Variants in CYP2C8 observed in about 807,000 individuals in gnomAD.
CYP2C8 encodes cytochrome P450 family 2 subfamily C member 8.
Under a neutral mutation model 41.3 loss-of-function variants are expected in CYP2C8, and 51 were observed. The observed-to-expected ratio is 1.24, with a 90% confidence interval of 0.99 to 1.56. The LOEUF (loss-of-function observed/expected upper bound fraction) is 1.56, where lower values mean the gene tolerates loss of function less well. Among genes scored for constraint, CYP2C8 ranks in the 40% most tolerant of loss-of-function variants. The pLI is 0.00. For synonymous variants in CYP2C8, 218 were observed against 205.8 expected (o/e 1.06, Z -0.51); for missense variants, 651 against 579.9 (o/e 1.12, Z -1.26).
rs1589449280 is a variant in CYP2C8, at chr10:95,067,262, C to T, written c.427G>A (p.Asp143Asn). 6.2e-7 allele frequency: 1 copy of T among 1,614,204 alleles called. No homozygotes were observed. Among genetic ancestry groups the T allele is most frequent in the Middle Eastern group, 1.6e-4 (1 of 6,062 alleles). The change falls in exon 3 of 9, where the codon GAC (aspartate) becomes AAC (asparagine). Residue 143 changes from aspartate (D) to asparagine (N), a missense_variant. Transcript: ENST00000371270. ...CAGTGAGCTTCCTCTTGAACACGGT[C>T]CTCAATGCTCCTCTTCCCCATCCCA... is the stretch of plus-strand genomic sequence containing the variant. ...NFGMGKRSIEDRVQEEAHCLV... is the reference protein window; with the variant it reads ...NFGMGKRSIENRVQEEAHCLV...
At chr10:95,052,245 A>G (rs1365231720) in intron 5 of CYP2C8, among the ~76,000 whole-genome samples, 2 of 152,084 alleles carry the variant, frequency 1.3e-5, no homozygotes, top group Non-Finnish European at 2.9e-5. Context: ...ACCTACTGAA[A>G]TTGAACCATG....
rs1168541180 is a variant in CYP2C8 at position 95,046,025 on chromosome 10, A to G, written c.820-74T>C. 5 of 1,559,734 alleles carry G rather than the reference A, an allele frequency of 3.2e-6. No homozygotes were observed. The East Asian group carries it at 9.1e-5, about 28-fold the overall frequency. ...CTAAATACACTAAATTTTAAAAAAC[A>G]TACTATTTTTTAAAGTTAGCCAAAA... On this transcript the variant is annotated intron_variant, in intron 5 of 8. Coordinates refer to ENST00000371270, the MANE Select transcript of CYP2C8 (RefSeq NM_000770.3).
At chr10:95,048,808 A>C in intron 5 of CYP2C8, among the ~76,000 whole-genome samples, 1 of 152,192 alleles carries the variant, frequency 6.6e-6, no homozygotes. Context: ...ATCTCACCAC[A>C]TACAAAAATT....
chr10:95,067,752 T>C, intron 1 of CYP2C8, 61 bp from the exon 2 acceptor site: 1 of 1,453,708 alleles, frequency 6.9e-7, no homozygotes, highest in South Asian at 1.2e-5. Context: ...ATACTATGTA[T>C]GATTCAGACT....
At chr10:95,050,935 C>T (rs1032148420) in intron 5 of CYP2C8, among the ~76,000 whole-genome samples, 4 of 152,050 alleles carry the variant, frequency 2.6e-5, no homozygotes, top group Non-Finnish European at 5.9e-5. Flanking sequence ...GCCCAGCCCC[C>T]GATGAATATC....
chr10:95,046,456 A>G (rs897336446), intron 5 of CYP2C8, among the ~76,000 whole-genome samples: 2 of 152,168 alleles, frequency 1.3e-5, no homozygotes, highest in Non-Finnish European at 2.9e-5. Flanking sequence ...CACATTTATA[A>G]CAAGCTATCA....
In CYP2C8 at chr10:95,067,528, C is replaced by A; in HGVS notation, c.331+1G>T. 2 of 1,614,042 alleles carry A rather than the reference C, an allele frequency of 1.2e-6. No homozygotes were observed. The highest frequency in any genetic ancestry group is 1.7e-6 in the Non-Finnish European group (2 of 1,179,948). On this transcript the variant is annotated splice_donor_variant, in intron 2 of 8. Transcript: ENST00000371270. LOFTEE classifies it high-confidence loss of function. ...GCTGACACAGAAATATGTGCACCTA[C>A]CAAGTCCTTTAGTAATTCTTTGAGA...
At chr10:95,069,169 GTC>G in intron 1 of CYP2C8, 64 bp downstream of exon 1, 1 of 1,543,428 alleles carries the variant, frequency 6.5e-7, no homozygotes, top group South Asian at 1.1e-5. Flanking sequence ...AATATATTTT[GTC>G]TAAAAATAGC....
chr10:95,054,393 T>C (rs2033272079), intron 5 of CYP2C8, among the ~76,000 whole-genome samples: 1 of 151,972 alleles, frequency 6.6e-6, no homozygotes, highest in Admixed American at 6.6e-5. Context: ...AAGATATGAA[T>C]AGAAGGGAAA....
In CYP2C8 at chr10:95,042,872, T is replaced by C. The variant is rs2033030514; in HGVS notation, c.1149+18A>G. 20 of 1,604,272 alleles carry C rather than the reference T, an allele frequency of 1.2e-5. No individual in the cohort carries two copies. Among genetic ancestry groups the C allele is most frequent in the Non-Finnish European group, 1.5e-5 (17 of 1,171,160 alleles). ...ATTTCAGAAGTACAGAAATATAGTG[T>C]AAGAGAAACAAGCTTACCTTGGGGA... On this transcript the variant is annotated intron_variant, in intron 7 of 8. Transcript: ENST00000371270.
chr10:95,041,730 G>A (rs1005998476), intron 7 of CYP2C8, among the ~76,000 whole-genome samples: 2 of 147,216 alleles, frequency 1.4e-5, no homozygotes, highest in African/African-American at 5.0e-5. Context: ...GCAGTGAGCC[G>A]AGATTGCGCC....
Position 95,045,958 on chromosome 10 carries a change from G to A in CYP2C8, c.820-7C>T, listed in dbSNP as rs757215714. ...ACTTTTGGTTGTCCTTTTCCTAGAA[G>A]TGATTTCATGCAATTATCTGACAAA... On this transcript the variant is annotated splice_polypyrimidine_tract_variant and splice_region_variant and intron_variant, in intron 5 of 8. Coordinates refer to ENST00000371270, the MANE Select transcript of CYP2C8 (RefSeq NM_000770.3). The A allele has an allele frequency of 6.2e-6, 10 of 1,613,714 alleles. No homozygotes were observed. The highest frequency in any genetic ancestry group is 2.2e-5 in the East Asian group (1 of 44,874).
rs2033521308 is a variant in CYP2C8, at chr10:95,064,726, T to G, written c.642+74A>C. The stretch of plus-strand genomic sequence containing the variant: ...TATAAAAGCATTTTAGTATCAATTT[T>G]CTCATTTTTAAACCAAGTCTTCCCT... On this transcript the variant is annotated intron_variant, in intron 4 of 8. Coordinates refer to ENST00000371270, the MANE Select transcript of CYP2C8 (RefSeq NM_000770.3). 2.8e-6 allele frequency: 4 copies of G among 1,414,522 alleles called. No homozygotes were observed. The Middle Eastern group carries it at 7.5e-4, about 264-fold the overall frequency. The allele number at this position is 1,414,522 out of a possible 1,614,324, so 87.6% of individuals were successfully genotyped here.
chr10:95,049,654 A>C lies in CYP2C8; in HGVS notation c.820-3703T>G, dbSNP rs1055641659. Among the ~76,000 whole-genome samples, 6 of 152,254 alleles carry C rather than the reference A, an allele frequency of 3.9e-5. No homozygotes were observed. In the East Asian group the frequency reaches 9.7e-4, roughly 25 times the overall value. ...CTATAGGGCTCTGGGATGGTAAATAAACCTGAAAGGCAGTGTTGGCTACAA... is the reference window on the plus strand; with the variant it reads ...CTATAGGGCTCTGGGATGGTAAATACACCTGAAAGGCAGTGTTGGCTACAA... On this transcript the variant is annotated intron_variant, in intron 5 of 8. Transcript: ENST00000371270.
At chr10:95,058,579 T>C in intron 4 of CYP2C8, 68 bp from the exon 5 acceptor site, 4 of 1,373,726 alleles carry the variant, frequency 2.9e-6, no homozygotes, top group Non-Finnish European at 4.0e-6. Flanking sequence ...CAAGCCCTGA[T>C]TGAAATTATA....
At chr10:95,044,484 C>T (rs1483981513) in intron 6 of CYP2C8, among the ~76,000 whole-genome samples, 1 of 152,088 alleles carries the variant, frequency 6.6e-6, no homozygotes, top group East Asian at 1.9e-4. Flanking sequence ...ATTAAGTTGG[C>T]AAAATACGGA....
chr10:95,040,376 T>C (rs888176532), intron 7 of CYP2C8, among the ~76,000 whole-genome samples: 3 of 152,196 alleles, frequency 2.0e-5, no homozygotes, highest in Non-Finnish European at 4.4e-5. Context: ...CTTGATAAGT[T>C]ATCAATTCTG....
intron 6 of CYP2C8, 86 bp from the exon 7 acceptor site, chr10:95,043,163 A>AAAAATCCCAGCAACATT: frequency 1.6e-6 from 2 of 1,271,160 alleles, no homozygotes; most frequent in Non-Finnish European, 2.3e-6. Flanking sequence ...AACATGATAT[A>AAAAATCCCAGCAACATT]AAAATCCCAG....
At chr10:95,056,839 G>A (rs758639754) in intron 5 of CYP2C8, among the ~76,000 whole-genome samples, 46 of 152,134 alleles carry the variant, frequency 3.0e-4, no homozygotes, top group Non-Finnish European at 1.3e-4. Flanking sequence ...CAGGGCAGGC[G>A]AGTCCCAATG....
Sources: allele counts gnomAD v4.1 joint callset (sites outside exome capture counted in the v4.1 genomes callset), GRCh38; gene constraint gnomAD v4.1.1; transcripts MANE v1.5; gene names NCBI Gene and HGNC (gene_info 2026-07-23, HGNC 2026-07-21).